Variants in NTM observed in about 807,000 individuals in gnomAD.
The protein encoded by NTM is IgLON family member 2.
A neutral mutation model predicts 42.1 loss-of-function variants in NTM; 13 were observed. The observed-to-expected ratio is 0.31, with a 90% CI of 0.20 to 0.49. The LOEUF (loss-of-function observed/expected upper bound fraction) is 0.49. Ranked by LOEUF, NTM falls within the 20% of genes least tolerant of loss-of-function variation. The pLI is 0.99. For synonymous variants in NTM, 187 were observed against 179.2 expected, an observed-to-expected ratio of 1.04 and a Z score of -0.35; for missense variants, 373 against 452.8, an observed-to-expected ratio of 0.82 and a Z score of 1.60.
intron 1 of NTM, among the ~76,000 whole-genome samples, chr11:131,436,505 G>A (rs1453866578): frequency 6.6e-6 from 1 of 152,144 alleles, no homozygotes; most frequent in Admixed American, 6.5e-5. Flanking sequence ...TCCTGGTTTA[G>A]TATTGGGAGG....
chr11:132,206,798 C>T lies in NTM; in HGVS notation c.401-5224C>T, dbSNP rs373059729. 4.6e-5 allele frequency among the ~76,000 whole-genome samples: 7 copies of T among 152,292 alleles called. No homozygotes were observed. In the East Asian group the frequency reaches 1.4e-3, roughly 29 times the overall value. Reference sequence around the variant, plus strand: ...ATTTGTTGAGACCTAAAATAAACTCCAATTTGAGGTGAAGCCATCTCTGGA... The same window carrying T: ...ATTTGTTGAGACCTAAAATAAACTCTAATTTGAGGTGAAGCCATCTCTGGA... On this transcript the variant is annotated intron_variant, in intron 3 of 8. Coordinates refer to ENST00000683400, the MANE Select transcript of NTM (RefSeq NM_001352005.2).
chr11:131,734,551 T>C (rs992056561), intron 1 of NTM, among the ~76,000 whole-genome samples: 2 of 152,138 alleles, frequency 1.3e-5, no homozygotes, highest in Non-Finnish European at 2.9e-5. Context: ...GTGAGCCTCA[T>C]CACTGGCAGG....
chr11:132,191,824 C>A (rs2079369278), intron 3 of NTM, among the ~76,000 whole-genome samples: 2 of 152,006 alleles, frequency 1.3e-5, no homozygotes, highest in South Asian at 2.1e-4. Flanking sequence ...TAGAAAGAAC[C>A]AAACTGAACT....
At chr11:131,975,139 A>C (rs1003358446) in intron 2 of NTM, among the ~76,000 whole-genome samples, 8 of 151,802 alleles carry the variant, frequency 5.3e-5, no homozygotes, top group African/African-American at 1.9e-4. Context: ...CTTTCTTCTT[A>C]TTTTTTGCCT....
chr11:131,401,829 T>C (rs1303731749), intron 1 of NTM, among the ~76,000 whole-genome samples: 6 of 80,602 alleles, frequency 7.4e-5, no homozygotes, highest in African/African-American at 3.0e-4. Context: ...TATATATATA[T>C]ATATATATAT....
intron 2 of NTM, among the ~76,000 whole-genome samples, chr11:131,931,498 T>TGTGTGG: frequency 6.6e-6 from 1 of 151,614 alleles, no homozygotes; most frequent in Non-Finnish European, 1.5e-5. Context: ...TGTGTGTGTG[T>TGTGTGG]GTGTGTATGT....
chr11:131,461,527 G>A (rs964368779), intron 1 of NTM, among the ~76,000 whole-genome samples: 3 of 152,210 alleles, frequency 2.0e-5, no homozygotes, highest in Non-Finnish European at 2.9e-5. Context: ...TTAGAAGGGT[G>A]CATACCAGGG....
chr11:132,320,907 C>A (rs1367874244), intron 7 of NTM, among the ~76,000 whole-genome samples: 1 of 151,478 alleles, frequency 6.6e-6, no homozygotes, highest in Non-Finnish European at 1.5e-5. Flanking sequence ...CACCCCCCAG[C>A]AGGGCCACAC....
At chr11:131,881,634 C>T (rs2049540289) in intron 1 of NTM, among the ~76,000 whole-genome samples, 1 of 152,016 alleles carries the variant, frequency 6.6e-6, no homozygotes. Flanking sequence ...CTAAGAAAAG[C>T]TGAAAAATGC....
intron 3 of NTM, among the ~76,000 whole-genome samples, chr11:132,206,488 T>C (rs74858977): frequency 1.3e-5 from 2 of 152,230 alleles, no homozygotes; most frequent in African/African-American, 2.4e-5. Flanking sequence ...ATGCATTTCA[T>C]AACTTACTCC....
intron 1 of NTM, among the ~76,000 whole-genome samples, chr11:131,600,851 T>C (rs569302533): frequency 6.6e-6 from 1 of 152,264 alleles, no homozygotes; most frequent in South Asian, 2.1e-4. Flanking sequence ...TTCACTTTTT[T>C]TTTTTCCATA....
intron 1 of NTM, among the ~76,000 whole-genome samples, chr11:131,550,436 A>G (rs1409987102): frequency 6.6e-6 from 1 of 152,074 alleles, no homozygotes; most frequent in Non-Finnish European, 1.5e-5. Flanking sequence ...ATAGAGGTGA[A>G]TTTCCCCCTT....
rs1040333955 is a variant in NTM at position 132,003,592 on chromosome 11, G to A, written c.167+91944G>A. On this transcript the variant is annotated intron_variant, in intron 2 of 8. Coordinates refer to ENST00000683400, the MANE Select transcript of NTM (RefSeq NM_001352005.2). The surrounding 1 kb of genome is among the most constrained non-coding windows in gnomAD (Gnocchi z 6.0). ...GTTCCTGGGTAAAACTGATCCTTGT[G>A]GTCTGGGGACCACACTTTGAGAATG... 1.3e-5 allele frequency among the ~76,000 whole-genome samples: 2 copies of A among 152,090 alleles called. No homozygotes were observed. The highest frequency in any genetic ancestry group is 4.8e-5 in the African/African-American group (2 of 41,424).
At chr11:132,135,640 G>A (rs1409082661) in intron 2 of NTM, among the ~76,000 whole-genome samples, 3 of 152,168 alleles carry the variant, frequency 2.0e-5, no homozygotes, top group Non-Finnish European at 4.4e-5. Flanking sequence ...CCTGGGGGAC[G>A]CAAACCCTAG....
At chr11:131,745,946 T>C (rs2081765482) in intron 1 of NTM, among the ~76,000 whole-genome samples, 1 of 152,186 alleles carries the variant, frequency 6.6e-6, no homozygotes, top group Non-Finnish European at 1.5e-5. Context: ...AATATGCTCA[T>C]TCTCCAGCCT....
At chr11:132,050,027 G>T (rs2078629295) in intron 2 of NTM, among the ~76,000 whole-genome samples, 1 of 152,102 alleles carries the variant, frequency 6.6e-6, no homozygotes, top group Non-Finnish European at 1.5e-5. Context: ...CTGAATTTCA[G>T]ACTTAGGCTA....
chr11:131,789,855 C>G (rs963921473), intron 1 of NTM, among the ~76,000 whole-genome samples: 2 of 145,470 alleles, frequency 1.4e-5, no homozygotes, highest in East Asian at 4.3e-4. Flanking sequence ...ACACGGGAGG[C>G]TGAGGCAGGA....
At chr11:131,673,550 A>C (rs2070797627) in intron 1 of NTM, among the ~76,000 whole-genome samples, 1 of 152,180 alleles carries the variant, frequency 6.6e-6, no homozygotes, top group Non-Finnish European at 1.5e-5. Context: ...CAAAGCTTGC[A>C]TTTAAATATG....
At chr11:131,817,384 G>C (rs971559509) in intron 1 of NTM, among the ~76,000 whole-genome samples, 2 of 152,152 alleles carry the variant, frequency 1.3e-5, no homozygotes, top group African/African-American at 4.8e-5. Context: ...AGAGATTTAG[G>C]GGGAGTGAGA....
Sources: gnomAD v4.1 joint callset for allele counts (sites outside exome capture counted in the v4.1 genomes callset) on GRCh38, gnomAD v4.1.1 for gene constraint, Gnocchi (gnomAD v3.1) non-coding constraint, MANE v1.5 for transcripts, NCBI Gene and HGNC (gene_info 2026-07-23, HGNC 2026-07-21) for gene names.